OTOA: variants seen among roughly 807,000 people sequenced by gnomAD.
OTOA encodes the protein cancer/testis antigen 108.
OTOA carries 70 observed loss-of-function variants against 110.8 expected under a neutral mutation model. The ratio of observed to expected loss-of-function variants is 0.63; its 90% CI spans 0.52 to 0.77. OTOA has a LOEUF of 0.77. OTOA is among the 30% of genes least tolerant of loss of function. The probability of loss-of-function intolerance (pLI) is 0.00; values close to 1 mark genes in which losing one functional copy is unlikely to be tolerated. For synonymous variants in OTOA, 373 were observed against 431.5 expected, an observed-to-expected ratio of 0.86 and a Z score of 1.68; for missense variants, 917 against 1,075.8, an observed-to-expected ratio of 0.85 and a Z score of 2.06.
intron 23 of OTOA, among the ~76,000 whole-genome samples, chr16:21,743,418 T>TA (rs1375272358): frequency 1.7e-4 from 26 of 152,398 alleles, no homozygotes; most frequent in Non-Finnish European, 1.6e-4. Context: ...CAGGTTGCAT[T>TA]AAAAAAATGC....
intron 14 of OTOA, among the ~76,000 whole-genome samples, chr16:21,716,674 C>G (rs976998762): frequency 6.6e-6 from 1 of 152,024 alleles, no homozygotes. Flanking sequence ...ATAAGGAGCA[C>G]GGGTTTTGGA....
chr16:21,695,519 G>A (rs915094418), intron 9 of OTOA, among the ~76,000 whole-genome samples: 1 of 151,966 alleles, frequency 6.6e-6, no homozygotes, highest in Non-Finnish European at 1.5e-5. Context: ...CTCTATATAG[G>A]CAAGGCAAAT....
intron 21 of OTOA, among the ~76,000 whole-genome samples, chr16:21,735,151 A>C (rs1195161586): frequency 2.0e-5 from 3 of 151,406 alleles, no homozygotes; most frequent in African/African-American, 7.3e-5. Context: ...AAAAAAAAAA[A>C]AAAAGAGACA....
At position 21,721,962 on chromosome 16, in the gene OTOA, G is replaced by A. The variant is rs865803976; in HGVS notation, c.1807-943G>A. Among the ~76,000 whole-genome samples, 52 of 151,716 alleles carry A rather than the reference G, an allele frequency of 3.4e-4. 1 individual carries two copies. The Middle Eastern group carries it at 0.017, about 50-fold the overall frequency. On this transcript the variant is annotated intron_variant, in intron 17 of 28. Transcript: ENST00000646100. ...AAGTGGGCCGGGCACAGTGGCTCAC[G>A]CCAGTAATCTTAGCACTTTAGGAGG... is the stretch of plus-strand genomic sequence containing the variant.
chr16:21,691,177 G>C (rs142954253), intron 8 of OTOA, among the ~76,000 whole-genome samples: 2,998 of 152,160 alleles, frequency 0.02, 76 homozygotes, highest in East Asian at 0.056. Context: ...AGTATTCCAT[G>C]GTGTATATGT....
At position 21,716,933 on chromosome 16, in the gene OTOA, A is replaced by G. The variant is rs1414192345; in HGVS notation, c.1515A>G (p.Pro505=). The stretch of plus-strand genomic sequence containing the variant: ...TGGTCCAAGCGGAAGACACTGCCCC[A>G]GGCATCGTGGAGATACAAGGGGCTT... ...SKMVQAEDTA[P]GIVEIQGAFF... The change falls in exon 15 of 29, where the codon CCA becomes CCG. Residue 505 remains proline, a synonymous_variant. Coordinates refer to ENST00000646100, the MANE Select transcript of OTOA (RefSeq NM_144672.4). 3.1e-6 allele frequency: 5 copies of G among 1,613,880 alleles called. No homozygotes were observed. Among genetic ancestry groups the G allele is most frequent in the Admixed American group, 3.3e-5 (2 of 59,964 alleles).
intron 13 of OTOA, 149 bp downstream of exon 13, chr16:21,710,252 C>A: frequency 8.7e-6 from 8 of 922,676 alleles, no homozygotes; most frequent in Non-Finnish European, 1.1e-5. Context: ...GGAAGTCCAA[C>A]ATCGAGGTGT....
chr16:21,752,119 TCATC>T lies in OTOA; in HGVS notation c.2918+89_2918+92del, dbSNP rs527285911. 0.043 allele frequency: 6,996 copies of T among 162,228 alleles called. 691 individuals carry two copies. The highest frequency in any genetic ancestry group is 0.082 in the African/African-American group (1,176 of 14,394). 10.0% of individuals were successfully genotyped at this position (162,228 alleles called of 1,614,324 possible). A position where few individuals can be genotyped will look rare whatever the true frequency, so the allele number is the denominator to read the frequency against. On this transcript the variant is annotated intron_variant, in intron 25 of 28. Transcript: ENST00000646100. ...TGTGCAAAATGGCAAATGGGTTAATTCATCCATCCATCCATCCATCCATCCATCC... is the reference window on the plus strand; with the variant it reads ...TGTGCAAAATGGCAAATGGGTTAATTCATCCATCCATCCATCCATCCATCC...
intron 20 of OTOA, 90 bp downstream of exon 20, chr16:21,728,521 C>A (rs1456272714): frequency 2.8e-6 from 4 of 1,439,420 alleles, no homozygotes; most frequent in Admixed American, 4.1e-5. Flanking sequence ...CAAACAGAGT[C>A]TCTGGCTTAG....
intron 21 of OTOA, among the ~76,000 whole-genome samples, chr16:21,735,480 GATTACATTTCAAT>G (rs1748333257): frequency 6.6e-6 from 1 of 151,984 alleles, no homozygotes; most frequent in African/African-American, 2.4e-5. Flanking sequence ...CAACACTGGG[GATTACATTTCAAT>G]AAGATTTGGG....
At position 21,760,133 on chromosome 16, in the gene OTOA, A is replaced by G. The variant is rs1394272022; in HGVS notation, c.3350-337A>G. On this transcript the variant is annotated intron_variant, in intron 28 of 28. Coordinates refer to ENST00000646100, the MANE Select transcript of OTOA (RefSeq NM_144672.4). ...CCAGAGCCCTAATCTTTTCTTTCCT[A>G]AAGTTGCTTAATTATCAGAATCACC... Among the ~76,000 whole-genome samples the G allele has an allele frequency of 4.0e-5, 6 of 151,882 alleles. No individual in the cohort carries two copies. The East Asian group carries it at 1.2e-3, about 29-fold the overall frequency.
intron 13 of OTOA, among the ~76,000 whole-genome samples, chr16:21,711,778 T>C (rs1898365253): frequency 6.6e-6 from 1 of 152,114 alleles, no homozygotes; most frequent in African/African-American, 2.4e-5. Flanking sequence ...TTGGTGTCCT[T>C]CTCGTTTAGT....
At chr16:21,717,167 G>A (rs1311956648) in intron 15 of OTOA, 120 bp downstream of exon 15, 2 of 1,395,926 alleles carry the variant, frequency 1.4e-6, no homozygotes, top group Non-Finnish European at 2.0e-6. Context: ...TAGTATAGGA[G>A]GCAGAATAGT....
At chr16:21,702,477 C>A (rs899124682) in intron 11 of OTOA, among the ~76,000 whole-genome samples, 2 of 152,080 alleles carry the variant, frequency 1.3e-5, no homozygotes, top group African/African-American at 2.4e-5. Flanking sequence ...GAACATGGGA[C>A]CTCGAGCCAG....
At chr16:21,690,941 A>G (rs886965371) in intron 8 of OTOA, among the ~76,000 whole-genome samples, 1 of 151,570 alleles carries the variant, frequency 6.6e-6, no homozygotes, top group Non-Finnish European at 1.5e-5. Context: ...CATTAGGTAT[A>G]TCTCCTAATG....
intron 13 of OTOA, among the ~76,000 whole-genome samples, chr16:21,711,151 G>A (rs1898341805): frequency 6.6e-6 from 1 of 152,228 alleles, no homozygotes; most frequent in African/African-American, 2.4e-5. Context: ...CCATCCCTGA[G>A]TGGGATCAAC....
At chr16:21,721,281 A>C (rs944847978) in intron 17 of OTOA, 9 of 443,934 alleles carry the variant, frequency 2.0e-5, no homozygotes, top group Non-Finnish European at 8.9e-6. Context: ...ACACACACAA[A>C]CAACCAATAC....
chr16:21,687,425 A>G lies in OTOA; in HGVS notation c.412A>G (p.Ile138Val). The G allele has an allele frequency of 1.2e-6, 2 of 1,613,976 alleles. No individual in the cohort carries two copies. Among genetic ancestry groups the G allele is most frequent in the South Asian group, 1.1e-5 (1 of 91,078 alleles). Reference sequence around the variant, plus strand: ...GTCATTGCTTTAGGACCTGAAAGACATCATCATCGACTTAGGAGAGATTCG... The same window carrying G: ...GTCATTGCTTTAGGACCTGAAAGACGTCATCATCGACTTAGGAGAGATTCG... ...DKKDGLDLKD[I>V]IIDLGEIRER... The change falls in exon 8 of 29, where the codon ATC becomes GTC. Residue 138 changes from isoleucine (I) to valine (V), a missense_variant. Physicochemically the swap from Ile to Val is conservative, Grantham distance 29. Around this residue, in one of 6 missense-constraint regions of OTOA, gnomAD observed 840 missense variants for 910.2 expected, o/e 0.92. Coordinates refer to ENST00000646100, the MANE Select transcript of OTOA (RefSeq NM_144672.4).
At chr16:21,736,981 A>G (rs2141733728) in intron 22 of OTOA, among the ~76,000 whole-genome samples, 1 of 152,428 alleles carries the variant, frequency 6.6e-6, no homozygotes, top group South Asian at 2.1e-4. Context: ...TTAACATAGC[A>G]GTGACAGGGC....
Sources: allele counts gnomAD v4.1 joint callset (sites outside exome capture counted in the v4.1 genomes callset), GRCh38; gene constraint gnomAD v4.1.1; regional missense constraint gnomAD v4.1.1; transcripts MANE v1.5; gene names NCBI Gene and HGNC (gene_info 2026-07-23, HGNC 2026-07-21).